USP37: variants seen among roughly 807,000 people sequenced by gnomAD.
The protein encoded by USP37 is ubiquitin specific peptidase 37.
In USP37, 27 loss-of-function variants were observed where a neutral mutation model predicts 124.0. That is an observed-to-expected ratio of 0.22 (90% CI 0.16 to 0.30). USP37 has a LOEUF of 0.30. Ranked by LOEUF, USP37 falls within the 10% of genes least tolerant of loss-of-function variation. The pLI is 1.00. For missense variants in USP37, 889 were observed against 1,140.4 expected, an observed-to-expected ratio of 0.78 and a Z score of 3.17; for synonymous variants, 365 against 388.0, an observed-to-expected ratio of 0.94 and a Z score of 0.70.
intron 9 of USP37, among the ~76,000 whole-genome samples, chr2:218,532,688 G>A (rs1047211117): frequency 2.2e-4 from 34 of 151,910 alleles, no homozygotes; most frequent in African/African-American, 8.0e-4. Flanking sequence ...CCAGTACTTC[G>A]GGAGGCTGAG....
chr2:218,508,561 G>A (rs1445146043), intron 11 of USP37, among the ~76,000 whole-genome samples: 1 of 152,030 alleles, frequency 6.6e-6, no homozygotes, highest in Non-Finnish European at 1.5e-5. Context: ...GTAAGATCAG[G>A]GTAGACAGAG....
Position 218,491,541 on chromosome 2 carries a change from G to A in USP37, c.1473-3120C>T, listed in dbSNP as rs530752805. On this transcript the variant is annotated intron_variant, in intron 14 of 25. Coordinates refer to ENST00000258399, the MANE Select transcript of USP37 (RefSeq NM_020935.3). Reference sequence around the variant, plus strand: ...GCTTAGTTTTCTGACCTACAGAGCTGGGATGAATAAATGGGTGTTGTTTTA... The same window carrying A: ...GCTTAGTTTTCTGACCTACAGAGCTAGGATGAATAAATGGGTGTTGTTTTA... Among the ~76,000 whole-genome samples, 11 of 152,288 alleles carry A rather than the reference G, an allele frequency of 7.2e-5. No homozygotes were observed. The South Asian group carries it at 2.3e-3, about 32-fold the overall frequency.
At position 218,496,067 on chromosome 2, in the gene USP37, G is replaced by A. The variant is rs578164171; in HGVS notation, c.1282-117C>T. On this transcript the variant is annotated intron_variant, in intron 13 of 25. Coordinates refer to ENST00000258399, the MANE Select transcript of USP37 (RefSeq NM_020935.3). ...CCAGCACTCTGGAAGGCTGAGGCAG[G>A]CGGATCACTTGAGGTCAGGAGTTCG... 2.6e-5 allele frequency: 26 copies of A among 1,006,384 alleles called. No homozygotes were observed. The East Asian group carries it at 3.5e-4, about 14-fold the overall frequency. The allele number at this position is 1,006,384 out of a possible 1,614,324, so 62.3% of individuals were successfully genotyped here.
At chr2:218,488,186 AAAAAAAAAAAAG>A (rs1466452799) in intron 15 of USP37, 106 bp downstream of exon 15, 1 of 625,886 alleles carries the variant, frequency 1.6e-6, no homozygotes. Context: ...AAAAAAAAAA[AAAAAAAAAAAAG>A]AAAAGAAAAG....
rs1478980814 is a variant in USP37, at chr2:218,532,128, C to G, written c.779-2088G>C. The stretch of plus-strand genomic sequence containing the variant: ...GCAGCATCACATGCTACAGAGAAAC[C>G]TTTCATGAAACGAAGAGTCAATCAG... On this transcript the variant is annotated intron_variant, in intron 9 of 25. Coordinates refer to ENST00000258399, the MANE Select transcript of USP37 (RefSeq NM_020935.3). Among the ~76,000 whole-genome samples, 3 of 152,246 alleles carry G rather than the reference C, an allele frequency of 2.0e-5. No homozygotes were observed. The East Asian group carries it at 5.8e-4, about 29-fold the overall frequency.
chr2:218,458,487 G>A (rs933006871), intron 23 of USP37, among the ~76,000 whole-genome samples: 5 of 150,144 alleles, frequency 3.3e-5, no homozygotes, highest in African/African-American at 7.4e-5. Flanking sequence ...CACAAGAATC[G>A]CTTGAGCCCA....
intron 10 of USP37, chr2:218,528,776 T>C (rs1261880680): frequency 2.5e-6 from 1 of 397,962 alleles, no homozygotes; most frequent in African/African-American, 2.6e-5. Context: ...TTAGCAGGTA[T>C]CTTATGTATT....
At chr2:218,503,808 C>A (rs1239945067) in intron 11 of USP37, among the ~76,000 whole-genome samples, 1 of 151,812 alleles carries the variant, frequency 6.6e-6, no homozygotes, top group East Asian at 1.9e-4. Flanking sequence ...AAAATGAACA[C>A]AAAGGAAAGA....
rs894934607 is a variant in USP37, at chr2:218,558,884, T to C, written c.-24-207A>G. On this transcript the variant is annotated intron_variant, in intron 3 of 25. Coordinates refer to ENST00000258399, the MANE Select transcript of USP37 (RefSeq NM_020935.3). Reference sequence around the variant, plus strand: ...TCATTCACAACCATACTGCTACCGCTAAAGACATGTCAACAGGAATAAGAT... The same window carrying C: ...TCATTCACAACCATACTGCTACCGCCAAAGACATGTCAACAGGAATAAGAT... Among the ~76,000 whole-genome samples, 6 of 152,010 alleles carry C rather than the reference T, an allele frequency of 3.9e-5. 1 individual carries two copies. The highest frequency in any genetic ancestry group is 1.5e-4 in the African/African-American group (6 of 41,376).
intron 21 of USP37, among the ~76,000 whole-genome samples, chr2:218,463,683 C>T (rs1690154051): frequency 1.3e-5 from 2 of 150,520 alleles, no homozygotes; most frequent in South Asian, 4.2e-4. Context: ...CTACAGGCGC[C>T]CGCCACCACG....
At chr2:218,494,340 AAAG>A (rs1365516909) in intron 14 of USP37, among the ~76,000 whole-genome samples, 1 of 152,266 alleles carries the variant, frequency 6.6e-6, no homozygotes, top group African/African-American at 2.4e-5. Context: ...CCAGAATGGA[AAAG>A]AAGCAGTATT....
Position 218,549,666 on chromosome 2 carries a change from T to C in USP37, c.429+143A>G, listed in dbSNP as rs569377137. 1,410 of 565,558 alleles carry C rather than the reference T, an allele frequency of 2.5e-3. 9 individuals carry two copies. The highest frequency in any genetic ancestry group is 1.8e-3 in the Non-Finnish European group (612 of 340,300). 35.0% of individuals were successfully genotyped at this position (565,558 alleles called of 1,614,324 possible). On this transcript the variant is annotated intron_variant, in intron 6 of 25. Transcript: ENST00000258399. ...TTTTAGTAGAGATGGGGTTTCACCA[T>C]GTTGGCCAGGCTGGTCTCAGACTCC...
intron 14 of USP37, among the ~76,000 whole-genome samples, chr2:218,489,672 G>C (rs1691811291): frequency 6.6e-6 from 1 of 151,722 alleles, no homozygotes; most frequent in Admixed American, 6.6e-5. Context: ...TAGAGATGGG[G>C]TTTCATCATG....
intron 23 of USP37, among the ~76,000 whole-genome samples, chr2:218,457,912 C>T (rs529613240): frequency 6.6e-6 from 1 of 151,372 alleles, no homozygotes; most frequent in African/African-American, 2.4e-5. Context: ...AGCTGGCGGG[C>T]GCCTGTAGTC....
At chr2:218,537,059 A>T (rs1028467560) in intron 8 of USP37, among the ~76,000 whole-genome samples, 6 of 152,178 alleles carry the variant, frequency 3.9e-5, no homozygotes, top group Non-Finnish European at 5.9e-5. Flanking sequence ...ATATAACTAA[A>T]AAAATTTACT....
intron 20 of USP37, among the ~76,000 whole-genome samples, chr2:218,473,416 TG>T (rs1302898259): frequency 6.6e-6 from 1 of 152,244 alleles, no homozygotes; most frequent in Non-Finnish European, 1.5e-5. Flanking sequence ...ATCACGTTTT[TG>T]CTTCCAGTTA....
At chr2:218,485,062 T>C (rs1285244645) in intron 16 of USP37, among the ~76,000 whole-genome samples, 1 of 152,200 alleles carries the variant, frequency 6.6e-6, no homozygotes, top group Admixed American at 6.5e-5. Flanking sequence ...CCCTGTTTTA[T>C]TCTTATATAC....
chr2:218,533,593 G>A (rs1438845274), intron 9 of USP37, among the ~76,000 whole-genome samples: 1 of 152,126 alleles, frequency 6.6e-6, no homozygotes, highest in Non-Finnish European at 1.5e-5. Context: ...TAAAAGCTGA[G>A]AGACAATAAG....
At chr2:218,492,195 T>C (rs1322518959) in intron 14 of USP37, among the ~76,000 whole-genome samples, 2 of 152,128 alleles carry the variant, frequency 1.3e-5, no homozygotes, top group Non-Finnish European at 2.9e-5. Flanking sequence ...AGCAACACCC[T>C]GTCTCAGAAA....
Sources: allele counts gnomAD v4.1 joint callset (sites outside exome capture counted in the v4.1 genomes callset), GRCh38; gene constraint gnomAD v4.1.1; transcripts MANE v1.5; gene names NCBI Gene and HGNC (gene_info 2026-07-23, HGNC 2026-07-21).